The following KCNQ2 variants were observed in gnomAD, a reference collection of about 807,000 sequenced individuals.
The protein encoded by KCNQ2 is potassium voltage-gated channel subfamily Q member 2.
Under a neutral mutation model 84.8 loss-of-function variants are expected in KCNQ2, and 14 were observed. That is an observed-to-expected ratio of 0.17 (90% CI 0.11 to 0.26). The LOEUF is 0.26. Ranked by LOEUF, KCNQ2 falls within the 10% of genes least tolerant of loss-of-function variation. The pLI is 1.00. For synonymous variants in KCNQ2, 599 were observed against 554.1 expected, an observed-to-expected ratio of 1.08 and a Z score of -1.14; for missense variants, 788 against 1,254.0, an observed-to-expected ratio of 0.63 and a Z score of 5.61.
At position 63,406,347 on chromosome 20, in the gene KCNQ2, C is replaced by G. The variant is rs985428100; in HGVS notation, c.*297G>C. 1.7e-5 allele frequency: 7 copies of G among 406,024 alleles called. No individual in the cohort carries two copies. Among genetic ancestry groups the G allele is most frequent in the Non-Finnish European group, 2.7e-5 (6 of 222,912 alleles). The allele number at this position is 406,024 out of a possible 1,614,324, so 25.2% of individuals were successfully genotyped here. A position where few individuals can be genotyped will look rare whatever the true frequency, so the allele number is the denominator to read the frequency against. ...GTCATCACTCCCGCCCCTCCTCACACCGGGCTGATGTCGGCCGCGGCCCTG... is the reference window on the plus strand; with the variant it reads ...GTCATCACTCCCGCCCCTCCTCACAGCGGGCTGATGTCGGCCGCGGCCCTG... On this transcript the variant is annotated 3_prime_UTR_variant, in exon 17 of 17. Coordinates refer to ENST00000359125, the MANE Select transcript of KCNQ2 (RefSeq NM_172107.4).
chr20:63,410,486 T>C (rs920374699), intron 15 of KCNQ2, among the ~76,000 whole-genome samples: 3 of 152,164 alleles, frequency 2.0e-5, no homozygotes, highest in African/African-American at 7.2e-5. Context: ...AGCTCACAGC[T>C]GTGGATGCCC....
chr20:63,460,152 C>G lies in KCNQ2; in HGVS notation c.296+12016G>C, dbSNP rs2081912413. 1 of 152,582 alleles carries G rather than the reference C, an allele frequency of 6.6e-6. No homozygotes were observed. The highest frequency in any genetic ancestry group is 1.5e-5 in the Non-Finnish European group (1 of 68,320). 9.5% of individuals were successfully genotyped at this position (152,582 alleles called of 1,614,324 possible). ...CCGGAGCTTCCCTGTCATGCACACCCCCATCCCCAGCACCTTTGGGGACCC... is the reference window on the plus strand; with the variant it reads ...CCGGAGCTTCCCTGTCATGCACACCGCCATCCCCAGCACCTTTGGGGACCC... On this transcript the variant is annotated intron_variant, in intron 1 of 16. Transcript: ENST00000359125. The surrounding 1 kb of genome is among the most constrained non-coding windows in gnomAD (Gnocchi z 5.4).
intron 5 of KCNQ2, among the ~76,000 whole-genome samples, chr20:63,440,496 G>A (rs867651989): frequency 9.2e-5 from 14 of 152,164 alleles, no homozygotes; most frequent in African/African-American, 2.9e-4. Flanking sequence ...CACAAGCCAC[G>A]GGCTCAGGAC....
chr20:63,413,996 G>A, intron 14 of KCNQ2, 92 bp downstream of exon 14: 1 of 977,480 alleles, frequency 1.0e-6, no homozygotes, highest in Non-Finnish European at 1.6e-6. Context: ...GGGCGGCTCT[G>A]TCCAGCACCA....
chr20:63,449,790 G>A (rs572872671), intron 1 of KCNQ2, among the ~76,000 whole-genome samples: 2 of 151,186 alleles, frequency 1.3e-5, no homozygotes, highest in Admixed American at 6.5e-5. Flanking sequence ...ACTTTTGGCC[G>A]CGGAGGCAGA....
Position 63,424,194 on chromosome 20 carries a change from C to CG in KCNQ2, c.1229dup (p.Pro411AlafsTer7), listed in dbSNP as rs886041339. 6.4e-7 allele frequency: 1 copy of CG among 1,555,970 alleles called. No homozygotes were observed. The highest frequency in any genetic ancestry group is 8.7e-7 in the Non-Finnish European group (1 of 1,149,122). Reference sequence around the variant, plus strand: ...GCACTGACCTTGGAGACGGCTCCGGCGGGGGGTCCTTCCTTCAAACAGAAG... The same window carrying CG: ...GCACTGACCTTGGAGACGGCTCCGGCGGGGGGGTCCTTCCTTCAAACAGAAG... On this transcript the variant is annotated frameshift_variant, in exon 11 of 17. Coordinates refer to ENST00000359125, the MANE Select transcript of KCNQ2 (RefSeq NM_172107.4). LOFTEE classifies it high-confidence loss of function.
intron 1 of KCNQ2, chr20:63,447,412 C>G (rs1053352340): frequency 6.5e-5 from 10 of 154,850 alleles, no homozygotes; most frequent in Non-Finnish European, 1.1e-4. Flanking sequence ...CAGGAGGCTC[C>G]GTTTCTCCTT....
In KCNQ2 at chr20:63,419,487, C is replaced by A. The variant is rs954216576; in HGVS notation, c.1301+132G>T. ...AGAATAGAGGGAGCTGAGCCCGCAC[C>A]GCCAGGGCGGTGGGTCAGAATTGGG... On this transcript the variant is annotated intron_variant, in intron 12 of 16. Coordinates refer to ENST00000359125, the MANE Select transcript of KCNQ2 (RefSeq NM_172107.4). 4 of 875,516 alleles carry A rather than the reference C, an allele frequency of 4.6e-6. No homozygotes were observed. The South Asian group carries it at 6.0e-5, about 13-fold the overall frequency. 54.2% of individuals were successfully genotyped at this position (875,516 alleles called of 1,614,324 possible). A position where few individuals can be genotyped will look rare whatever the true frequency, so the allele number is the denominator to read the frequency against.
chr20:63,405,150 A>G lies in KCNQ2; in HGVS notation c.*1494T>C, dbSNP rs2079899495. 1 of 152,360 alleles carries G rather than the reference A, an allele frequency of 6.6e-6. No homozygotes were observed. The highest frequency in any genetic ancestry group is 2.1e-4 in the South Asian group (1 of 4,838). 9.4% of individuals were successfully genotyped at this position (152,360 alleles called of 1,614,324 possible). A position where few individuals can be genotyped will look rare whatever the true frequency, so the allele number is the denominator to read the frequency against. On this transcript the variant is annotated 3_prime_UTR_variant, in exon 17 of 17. Coordinates refer to ENST00000359125, the MANE Select transcript of KCNQ2 (RefSeq NM_172107.4). Reference sequence around the variant, plus strand: ...CCTCCCAGCCAAGCCAAGTGCACTGAAAACGCAGGTGGAGGAGAAACGGGC... The same window carrying G: ...CCTCCCAGCCAAGCCAAGTGCACTGGAAACGCAGGTGGAGGAGAAACGGGC...
At position 63,407,895 on chromosome 20, in the gene KCNQ2, C is replaced by A; in HGVS notation, c.1887+518G>T. The A allele has an allele frequency of 4.6e-6, 1 of 215,890 alleles. No individual in the cohort carries two copies. Among genetic ancestry groups the A allele is most frequent in the South Asian group, 7.5e-5 (1 of 13,276 alleles). 13.4% of individuals were successfully genotyped at this position (215,890 alleles called of 1,614,324 possible). ...CCACGGTTGGGGCGTGTGTTCAGAG[C>A]CAGGCCCTCCTGCTGCCCACCGTGG... is the stretch of plus-strand genomic sequence containing the variant. On this transcript the variant is annotated intron_variant, in intron 16 of 16. Transcript: ENST00000359125. The surrounding 1 kb of genome is among the most constrained non-coding windows in gnomAD (Gnocchi z 7.2).
At position 63,414,275 on chromosome 20, in the gene KCNQ2, A is replaced by G; in HGVS notation, c.1526-82T>C. The G allele has an allele frequency of 1.9e-6, 2 of 1,038,244 alleles. No homozygotes were observed. The highest frequency in any genetic ancestry group is 3.0e-6 in the Non-Finnish European group (2 of 669,226). The allele number at this position is 1,038,244 out of a possible 1,614,324, so 64.3% of individuals were successfully genotyped here. On this transcript the variant is annotated intron_variant, in intron 13 of 16. Coordinates refer to ENST00000359125, the MANE Select transcript of KCNQ2 (RefSeq NM_172107.4). The surrounding 1 kb of genome is among the most constrained non-coding windows in gnomAD (Gnocchi z 6.6). ...GGGTCCTGCAGGGCACACCGGCTAGACAGAGCGCCAGGGAGCCCCTCGAGG... is the reference window on the plus strand; with the variant it reads ...GGGTCCTGCAGGGCACACCGGCTAGGCAGAGCGCCAGGGAGCCCCTCGAGG...
In KCNQ2 at chr20:63,438,250, G is replaced by C; in HGVS notation, c.1023+375C>G. On this transcript the variant is annotated intron_variant, in intron 7 of 16. Transcript: ENST00000359125. The surrounding 1 kb of genome is among the most constrained non-coding windows in gnomAD (Gnocchi z 5.1). Reference sequence around the variant, plus strand: ...CATGGGGGCCCACAGCCAGCATCAGGGGTCAGACGAGGTCAGGCACTGACT... The same window carrying C: ...CATGGGGGCCCACAGCCAGCATCAGCGGTCAGACGAGGTCAGGCACTGACT... 1 of 345,878 alleles carries C rather than the reference G, an allele frequency of 2.9e-6. No homozygotes were observed. Among genetic ancestry groups the C allele is most frequent in the Non-Finnish European group, 5.5e-6 (1 of 180,872 alleles). 21.4% of individuals were successfully genotyped at this position (345,878 alleles called of 1,614,324 possible).
chr20:63,472,533 G>A lies in KCNQ2; in HGVS notation c.-70C>T. ...GGGCGGAGCGCGGGGGGCGGCGCGG[G>A]CCCCAGCCCAGGCCCCCCGGCCGGG... On this transcript the variant is annotated 5_prime_UTR_variant, in exon 1 of 17. Transcript: ENST00000359125. 5 of 1,274,410 alleles carry A rather than the reference G, an allele frequency of 3.9e-6. No individual in the cohort carries two copies. The highest frequency in any genetic ancestry group is 4.0e-6 in the Non-Finnish European group (4 of 1,010,348). The allele number at this position is 1,274,410 out of a possible 1,614,324, so 78.9% of individuals were successfully genotyped here.
intron 15 of KCNQ2, among the ~76,000 whole-genome samples, chr20:63,410,271 C>G (rs906461565): frequency 6.6e-6 from 1 of 152,188 alleles, no homozygotes; most frequent in Non-Finnish European, 1.5e-5. Flanking sequence ...CTGCTCAGTC[C>G]CAATAGGAGC....
intron 11 of KCNQ2, among the ~76,000 whole-genome samples, chr20:63,420,794 G>A (rs748751781): frequency 6.6e-5 from 10 of 151,922 alleles, no homozygotes; most frequent in South Asian, 2.1e-4. Context: ...CCCAGCCCCC[G>A]TGCCGGTCCG....
intron 1 of KCNQ2, among the ~76,000 whole-genome samples, chr20:63,455,090 A>T (rs1449197791): frequency 6.6e-6 from 1 of 151,968 alleles, no homozygotes; most frequent in Admixed American, 6.6e-5. Context: ...CCTACGGGAG[A>T]ATGGGGGAGG....
At chr20:63,419,919 C>T (rs543180394) in intron 11 of KCNQ2, among the ~76,000 whole-genome samples, 1 of 152,264 alleles carries the variant, frequency 6.6e-6, no homozygotes, top group South Asian at 2.1e-4. Context: ...CTTTTCCTTC[C>T]AAAGCCACAG....
intron 1 of KCNQ2, among the ~76,000 whole-genome samples, chr20:63,454,494 C>T (rs2081716236): frequency 6.6e-6 from 1 of 152,178 alleles, no homozygotes; most frequent in African/African-American, 2.4e-5. Flanking sequence ...CCCGGTGCCT[C>T]GGCCGTGGCT....
In KCNQ2 at chr20:63,433,916, A is replaced by G. The variant is rs1443072984; in HGVS notation, c.1024-13T>C. ...ATCTCCAGGCCGACTGCGGAGGGAA[A>G]GACAAGGCAGTTGGCGAGGGGCAGG... On this transcript the variant is annotated splice_polypyrimidine_tract_variant and intron_variant, in intron 7 of 16. Coordinates refer to ENST00000359125, the MANE Select transcript of KCNQ2 (RefSeq NM_172107.4). 6.2e-7 allele frequency: 1 copy of G among 1,612,474 alleles called. No homozygotes were observed. Among genetic ancestry groups the G allele is most frequent in the South Asian group, 1.1e-5 (1 of 91,014 alleles).
Sources: allele counts gnomAD v4.1 joint callset (sites outside exome capture counted in the v4.1 genomes callset), GRCh38; gene constraint gnomAD v4.1.1; non-coding constraint Gnocchi (gnomAD v3.1); transcripts MANE v1.5; gene names NCBI Gene and HGNC (gene_info 2026-07-23, HGNC 2026-07-21).